The following DPP10 variants were observed in gnomAD, a reference collection of about 807,000 sequenced individuals.
DPP10 encodes inactive dipeptidyl peptidase 10.
In DPP10, 33 loss-of-function variants were observed where a neutral mutation model predicts 120.9. The ratio of observed to expected loss-of-function variants is 0.27; its 90% confidence interval spans 0.21 to 0.37. The LOEUF (loss-of-function observed/expected upper bound fraction) is 0.37, where lower values mean the gene tolerates loss of function less well. DPP10 is among the 10% of genes least tolerant of loss of function. The pLI is 1.00. For synonymous variants in DPP10, 337 were observed against 326.1 expected, an observed-to-expected ratio of 1.03 and a Z score of -0.36; for missense variants, 816 against 942.8, an observed-to-expected ratio of 0.87 and a Z score of 1.76.
intron 1 of DPP10, chr2:115,130,980 C>A (rs1432940158): frequency 6.6e-6 from 1 of 152,122 alleles, no homozygotes; most frequent in Admixed American, 6.5e-5. Flanking sequence ...TTCTCCTTAC[C>A]CACAGAGTTC....
intron 7 of DPP10, among the ~76,000 whole-genome samples, chr2:115,699,631 A>G (rs1025033772): frequency 3.9e-5 from 6 of 152,144 alleles, no homozygotes; most frequent in South Asian, 4.1e-4. Context: ...AAACAAACCA[A>G]TATTTCTCAA....
rs150386604 is a variant in DPP10, at chr2:114,688,092, G to T, written c.60+245254G>T. Reference sequence around the variant, plus strand: ...TCATGCTACATCAAAGAAATTCAAAGGGAAGAACATGTTACACAATTCTAT... The same window carrying T: ...TCATGCTACATCAAAGAAATTCAAATGGAAGAACATGTTACACAATTCTAT... On this transcript the variant is annotated intron_variant, in intron 1 of 25. Transcript: ENST00000410059. Among the ~76,000 whole-genome samples, 710 of 151,986 alleles carry T rather than the reference G, an allele frequency of 4.7e-3. 1 individual carries two copies. Among genetic ancestry groups the T allele is most frequent in the Non-Finnish European group, 8.3e-3 (567 of 67,908 alleles).
rs35714406 is a variant in DPP10 at position 114,813,716 on chromosome 2, ATT to A, written c.60+370891_60+370892del. ...AGAAGCATTATGTCTATGGAATTAA[ATT>A]TTTTTTTTTTTTCACTGTACAGTTT... is the stretch of plus-strand genomic sequence containing the variant. On this transcript the variant is annotated intron_variant, in intron 1 of 25. Coordinates refer to ENST00000410059, the MANE Select transcript of DPP10 (RefSeq NM_020868.6). 1.6e-3 allele frequency among the ~76,000 whole-genome samples: 202 copies of A among 127,998 alleles called. 2 individuals carry two copies. The Middle Eastern group carries it at 0.017, about 11-fold the overall frequency. The allele number at this position is 127,998 out of a possible 152,430, so 84.0% of individuals were successfully genotyped here.
At chr2:115,243,646 A>T (rs1281827265) in intron 1 of DPP10, among the ~76,000 whole-genome samples, 4 of 152,164 alleles carry the variant, frequency 2.6e-5, no homozygotes, top group Admixed American at 2.6e-4. Flanking sequence ...ATTTATATAA[A>T]TTAAAAGGCC....
At chr2:114,938,290 A>G (rs1275951426) in intron 1 of DPP10, among the ~76,000 whole-genome samples, 2 of 152,164 alleles carry the variant, frequency 1.3e-5, no homozygotes, top group Non-Finnish European at 2.9e-5. Flanking sequence ...AATATCCATT[A>G]TTAAATGGGT....
intron 1 of DPP10, among the ~76,000 whole-genome samples, chr2:115,038,781 C>G (rs1243634994): frequency 1.3e-5 from 2 of 152,098 alleles, no homozygotes; most frequent in African/African-American, 2.4e-5. Context: ...GAAGCTGAAG[C>G]CCAGAGAGGT....
At chr2:115,247,269 C>G (rs778069724) in intron 1 of DPP10, among the ~76,000 whole-genome samples, 3 of 152,032 alleles carry the variant, frequency 2.0e-5, no homozygotes, top group Non-Finnish European at 4.4e-5. Flanking sequence ...ATGTCCTCAT[C>G]ATTGAGCTAC....
At chr2:115,727,410 G>T (rs1158346352) in intron 7 of DPP10, among the ~76,000 whole-genome samples, 1 of 152,092 alleles carries the variant, frequency 6.6e-6, no homozygotes, top group African/African-American at 2.4e-5. Flanking sequence ...TAAAAGTAAA[G>T]ACCCCAAATT....
At chr2:115,027,763 C>A (rs1008128026) in intron 1 of DPP10, among the ~76,000 whole-genome samples, 3 of 152,070 alleles carry the variant, frequency 2.0e-5, no homozygotes, top group African/African-American at 7.2e-5. Context: ...TGATGAGAGA[C>A]TTTTTATTAT....
At chr2:115,549,596 T>C (rs1452929985) in intron 5 of DPP10, among the ~76,000 whole-genome samples, 1 of 152,144 alleles carries the variant, frequency 6.6e-6, no homozygotes. Context: ...AGAATCTCTA[T>C]CTTTATTCAC....
At chr2:115,110,316 C>G (rs543932742) in intron 1 of DPP10, among the ~76,000 whole-genome samples, 2 of 152,262 alleles carry the variant, frequency 1.3e-5, no homozygotes, top group East Asian at 3.9e-4. Flanking sequence ...CCAACTTAGT[C>G]TCCGTGTTTT....
chr2:115,077,380 A>G (rs971644842), intron 1 of DPP10, among the ~76,000 whole-genome samples: 1 of 152,218 alleles, frequency 6.6e-6, no homozygotes, highest in African/African-American at 2.4e-5. Flanking sequence ...AACTTCAAAG[A>G]GGGATACATA....
chr2:115,071,964 C>A (rs1188784851), intron 1 of DPP10, among the ~76,000 whole-genome samples: 1 of 151,918 alleles, frequency 6.6e-6, no homozygotes, highest in Non-Finnish European at 1.5e-5. Flanking sequence ...ATGAGAACAG[C>A]AAAGAAGAAT....
At chr2:115,348,543 G>A (rs2063827271) in intron 3 of DPP10, among the ~76,000 whole-genome samples, 1 of 151,758 alleles carries the variant, frequency 6.6e-6, no homozygotes, top group African/African-American at 2.4e-5. Flanking sequence ...GTGCAGGTTT[G>A]TTACATGGGT....
intron 1 of DPP10, among the ~76,000 whole-genome samples, chr2:114,632,443 G>A (rs1359224805): frequency 7.0e-6 from 1 of 142,840 alleles, no homozygotes; most frequent in African/African-American, 2.6e-5. Context: ...TCTAAAAGAA[G>A]TTTCCTTTTT....
At chr2:115,336,943 C>T (rs2063175998) in intron 2 of DPP10, among the ~76,000 whole-genome samples, 1 of 151,872 alleles carries the variant, frequency 6.6e-6, no homozygotes, top group Non-Finnish European at 1.5e-5. Flanking sequence ...TTAAATGTAT[C>T]AAATAGTAAG....
intron 1 of DPP10, among the ~76,000 whole-genome samples, chr2:114,811,692 A>G (rs1475785278): frequency 6.6e-6 from 1 of 151,054 alleles, no homozygotes; most frequent in Non-Finnish European, 1.5e-5. Flanking sequence ...CTCCACCACC[A>G]CTACCCACCA....
At chr2:114,743,354 C>T (rs1468906817) in intron 1 of DPP10, among the ~76,000 whole-genome samples, 3 of 151,448 alleles carry the variant, frequency 2.0e-5, no homozygotes, top group African/African-American at 7.3e-5. Context: ...AAAAGGACCA[C>T]AGCAAAGTTG....
chr2:114,670,112 A>C lies in DPP10; in HGVS notation c.60+227274A>C, dbSNP rs560343913. The stretch of plus-strand genomic sequence containing the variant: ...TCAACCATTGTGGAAGTCGGTGTGG[A>C]GATTCCTCAGGGATCTAGAACCAGA... On this transcript the variant is annotated intron_variant, in intron 1 of 25. Coordinates refer to ENST00000410059, the MANE Select transcript of DPP10 (RefSeq NM_020868.6). 2.0e-3 allele frequency among the ~76,000 whole-genome samples: 311 copies of C among 152,240 alleles called. 2 individuals are homozygous for C. Among genetic ancestry groups the C allele is most frequent in the Non-Finnish European group, 3.5e-3 (238 of 68,004 alleles).
Sources: gnomAD v4.1 joint callset for allele counts (sites outside exome capture counted in the v4.1 genomes callset) on GRCh38, gnomAD v4.1.1 for gene constraint, MANE v1.5 for transcripts, NCBI Gene and HGNC (gene_info 2026-07-23, HGNC 2026-07-21) for gene names.